KIDINS220: variants seen among roughly 807,000 people sequenced by gnomAD.
KIDINS220 encodes kinase D interacting substrate 220.
KIDINS220 carries 63 observed loss-of-function variants against 157.6 expected under a neutral mutation model. That is an observed-to-expected ratio of 0.40 (90% CI 0.33 to 0.49). KIDINS220 has a LOEUF of 0.49. Among genes scored for constraint, KIDINS220 ranks in the 20% least tolerant of loss-of-function variants. The pLI, the probability that KIDINS220 is intolerant of heterozygous loss-of-function variation, is 0.66. For synonymous variants in KIDINS220, 732 were observed against 783.6 expected, an observed-to-expected ratio of 0.93 and a Z score of 1.10; for missense variants, 1,772 against 2,171.2, an observed-to-expected ratio of 0.82 and a Z score of 3.65.
intron 17 of KIDINS220, among the ~76,000 whole-genome samples, chr2:8,781,607 G>A (rs1671735498): frequency 6.6e-6 from 1 of 151,950 alleles, no homozygotes; most frequent in African/African-American, 2.4e-5. Context: ...GTCAAAAACA[G>A]AACGATAATT....
chr2:8,733,168 T>C (rs1664388101), intron 29 of KIDINS220, among the ~76,000 whole-genome samples: 1 of 152,196 alleles, frequency 6.6e-6, no homozygotes, highest in African/African-American at 2.4e-5. Flanking sequence ...CTAGCTCAAG[T>C]GGCCTAATCC....
rs1665750531 is a variant in KIDINS220 at position 8,742,367 on chromosome 2, C to G, written c.3585+4778G>C. On this transcript the variant is annotated intron_variant, in intron 26 of 29. Coordinates refer to ENST00000256707, the MANE Select transcript of KIDINS220 (RefSeq NM_020738.4). ...CCTCCTGCCTCAGCCTTCCTAAGTG[C>G]AGGCTTACTGCATGGGCCATCCCAT... Among the ~76,000 whole-genome samples the G allele has an allele frequency of 2.0e-5, 3 of 151,962 alleles. No individual in the cohort carries two copies. The South Asian group carries it at 6.2e-4, about 32-fold the overall frequency.
chr2:8,789,865 A>G lies in KIDINS220; in HGVS notation c.1621+15T>C, dbSNP rs772815133. 1.9e-6 allele frequency: 3 copies of G among 1,556,442 alleles called. No homozygotes were observed. Among genetic ancestry groups the G allele is most frequent in the South Asian group, 1.2e-5 (1 of 81,768 alleles). The stretch of plus-strand genomic sequence containing the variant: ...TTTTCTCCATTTTTGAAAAAGATAA[A>G]AAGCAAAGACTTACTAAAGAATATA... On this transcript the variant is annotated intron_variant, in intron 14 of 29. Transcript: ENST00000256707.
chr2:8,744,387 AAATATATATATATAATATATATATAT>A (rs1558328218), intron 26 of KIDINS220, among the ~76,000 whole-genome samples: 8 of 27,746 alleles, frequency 2.9e-4, no homozygotes, highest in Admixed American at 6.8e-4. Context: ...AAAAAAAAAA[AAATATATATATATAATATATATATAT>A]ATATATATAT....
chr2:8,736,000 C>T (rs918868026), intron 27 of KIDINS220, among the ~76,000 whole-genome samples: 3 of 152,092 alleles, frequency 2.0e-5, no homozygotes, highest in African/African-American at 4.8e-5. Flanking sequence ...ATGGAAAAGC[C>T]GGTGTTTGAC....
At chr2:8,827,325 A>G (rs2148437432) in intron 1 of KIDINS220, among the ~76,000 whole-genome samples, 196 bp from the exon 2 acceptor site, 2 of 152,160 alleles carry the variant, frequency 1.3e-5, no homozygotes, top group East Asian at 3.9e-4. Flanking sequence ...ACTCACCTCC[A>G]TCTTAACTTA....
At chr2:8,774,222 G>A (rs1178876068) in intron 21 of KIDINS220, among the ~76,000 whole-genome samples, 2 of 150,616 alleles carry the variant, frequency 1.3e-5, no homozygotes. Flanking sequence ...CTTAAACCCC[G>A]AAGGCGGAGG....
chr2:8,797,932 T>C (rs1558444716), intron 10 of KIDINS220, among the ~76,000 whole-genome samples: 1 of 152,182 alleles, frequency 6.6e-6, no homozygotes, highest in Non-Finnish European at 1.5e-5. Context: ...ATAAATGAAT[T>C]TGGGAGAGAT....
Position 8,750,282 on chromosome 2 carries a change from G to A in KIDINS220, c.3244C>T (p.Leu1082Phe). ...ISIGGLAYPP[L>F]PLHEGPPRAP... ...CTAGGAGGACCCTCATGTAGAGGGA[G>A]CGGGGGGTACGCCAGTCCTCCAATA... Residue 1082 changes from leucine to phenylalanine, a missense_variant, in exon 24 of 30, where the codon CTC becomes TTC. Leu to Phe is a conservative substitution (Grantham distance 22, BLOSUM62 0). Around this residue, in one of 3 missense-constraint regions of KIDINS220, gnomAD observed 793 missense variants for 885.5 expected, o/e 0.90. Coordinates refer to ENST00000256707, the MANE Select transcript of KIDINS220 (RefSeq NM_020738.4). 6.2e-7 allele frequency: 1 copy of A among 1,613,622 alleles called. No individual in the cohort carries two copies. Among genetic ancestry groups the A allele is most frequent in the Non-Finnish European group, 8.5e-7 (1 of 1,179,760 alleles).
chr2:8,745,348 A>G (rs1368555223), intron 26 of KIDINS220, among the ~76,000 whole-genome samples: 1 of 152,166 alleles, frequency 6.6e-6, no homozygotes, highest in Admixed American at 6.5e-5. Flanking sequence ...CACTGAAGAG[A>G]ATTATTGTGG....
rs368542023 is a variant in KIDINS220, at chr2:8,730,885, G to A, written c.5151C>T (p.Ser1717=). The A allele has an allele frequency of 1.5e-5, 24 of 1,614,080 alleles. No individual in the cohort carries two copies. The highest frequency in any genetic ancestry group is 1.9e-5 in the Non-Finnish European group (23 of 1,180,048). ...ETSQVILRPS[S]SPNPTTIQNE... Reference sequence around the variant, plus strand: ...TCTGAATAGTGGTTGGGTTGGGACTGGAACTAGGCCTCAAAATGACTTGAG... The same window carrying A: ...TCTGAATAGTGGTTGGGTTGGGACTAGAACTAGGCCTCAAAATGACTTGAG... The change falls in exon 30 of 30, where the codon TCC becomes TCT. Residue 1717 remains serine, a synonymous_variant. Coordinates refer to ENST00000256707, the MANE Select transcript of KIDINS220 (RefSeq NM_020738.4).
At chr2:8,806,515 T>C in intron 6 of KIDINS220, 146 bp from the exon 7 acceptor site, 1 of 551,982 alleles carries the variant, frequency 1.8e-6, no homozygotes. Context: ...CTTAGATAAA[T>C]CCTATTTCTC....
downstream of KIDINS220, chr2:8,722,108 T>A (rs1478831209): frequency 1.3e-5 from 2 of 152,176 alleles, no homozygotes; most frequent in East Asian, 3.8e-4. Flanking sequence ...ACGCCATATA[T>A]TAAAATCTCT....
At chr2:8,773,476 C>CTTT (rs748234420) in intron 21 of KIDINS220, among the ~76,000 whole-genome samples, 1 of 139,288 alleles carries the variant, frequency 7.2e-6, no homozygotes, top group Non-Finnish European at 1.6e-5. Context: ...TAGATTTTTT[C>CTTT]TTTTTTTTTT....
At chr2:8,762,370 A>G (rs1485276572) in intron 22 of KIDINS220, among the ~76,000 whole-genome samples, 3 of 152,204 alleles carry the variant, frequency 2.0e-5, no homozygotes, top group African/African-American at 7.2e-5. Flanking sequence ...TCTTCATTCT[A>G]CGTTTGCATT....
chr2:8,811,369 A>G (rs569776261), intron 6 of KIDINS220, among the ~76,000 whole-genome samples: 20 of 152,324 alleles, frequency 1.3e-4, no homozygotes, highest in Admixed American at 8.5e-4. Flanking sequence ...GTGGAAATCA[A>G]TCATTACAAG....
intron 20 of KIDINS220, among the ~76,000 whole-genome samples, chr2:8,777,818 C>G (rs527419004): frequency 6.6e-6 from 1 of 152,160 alleles, no homozygotes; most frequent in African/African-American, 2.4e-5. Context: ...GGTTGCCAGG[C>G]AAGAAATTAA....
chr2:8,816,487 A>G (rs1195372905), intron 4 of KIDINS220, among the ~76,000 whole-genome samples: 1 of 152,210 alleles, frequency 6.6e-6, no homozygotes, highest in African/African-American at 2.4e-5. Context: ...GCACCTAAAG[A>G]AGCCAGGCAC....
At chr2:8,776,226 C>T (rs1020071224) in intron 21 of KIDINS220, among the ~76,000 whole-genome samples, 1 of 151,902 alleles carries the variant, frequency 6.6e-6, no homozygotes, top group African/African-American at 2.4e-5. Context: ...CAACCAATAC[C>T]CTGCAAAGAG....
Sources: gnomAD v4.1 joint callset for allele counts (sites outside exome capture counted in the v4.1 genomes callset) on GRCh38, gnomAD v4.1.1 for gene constraint, gnomAD v4.1.1 regional missense constraint, MANE v1.5 for transcripts, NCBI Gene and HGNC (gene_info 2026-07-23, HGNC 2026-07-21) for gene names.